The following DHX34 variants were observed in gnomAD, a reference collection of about 807,000 sequenced individuals.
The protein encoded by DHX34 is probable ATP-dependent RNA helicase DHX34.
Under a neutral mutation model 111.1 loss-of-function variants are expected in DHX34, and 96 were observed. The ratio of observed to expected loss-of-function variants is 0.86; its 90% CI spans 0.73 to 1.02. The LOEUF (loss-of-function observed/expected upper bound fraction) is 1.02, where lower values mean the gene tolerates loss of function less well. Among genes scored for constraint, DHX34 ranks in the 50% least tolerant of loss-of-function variants. The pLI is 0.00. For missense variants in DHX34, 1,560 were observed against 1,579.9 expected, an observed-to-expected ratio of 0.99 and a Z score of 0.21; for synonymous variants, 688 against 670.4, an observed-to-expected ratio of 1.03 and a Z score of -0.41.
At chr19:47,373,942 GCTCGCC>G (rs565798616) in intron 9 of DHX34, among the ~76,000 whole-genome samples, 2 of 152,154 alleles carry the variant, frequency 1.3e-5, no homozygotes, top group South Asian at 2.1e-4. Context: ...CTCGGGAAGA[GCTCGCC>G]CTCCGGACTG....
rs113841688 is a variant in DHX34, at chr19:47,350,420, A to ATT, written c.-278+1085_-278+1086dup. Among the ~76,000 whole-genome samples, 504 of 137,784 alleles carry ATT rather than the reference A, an allele frequency of 3.7e-3. 4 individuals carry two copies. The highest frequency in any genetic ancestry group is 0.013 in the African/African-American group (470 of 37,190). 90.4% of individuals were successfully genotyped at this position (137,784 alleles called of 152,430 possible). ...CCCTGTTTCAAAAAAACAAAAATGAATTTTTTTTTTTTTTTTTTGAGATGG... is the reference window on the plus strand; with the variant it reads ...CCCTGTTTCAAAAAAACAAAAATGAATTTTTTTTTTTTTTTTTTTTGAGATGG... On this transcript the variant is annotated intron_variant, in intron 1 of 16. Coordinates refer to ENST00000328771, the MANE Select transcript of DHX34 (RefSeq NM_014681.6).
chr19:47,380,063 C>T lies in DHX34; in HGVS notation c.2982+78C>T. 3 of 1,486,344 alleles carry T rather than the reference C, an allele frequency of 2.0e-6. No homozygotes were observed. The Admixed American group carries it at 7.2e-5, about 36-fold the overall frequency. The allele number at this position is 1,486,344 out of a possible 1,614,324, so 92.1% of individuals were successfully genotyped here. A position where few individuals can be genotyped will look rare whatever the true frequency, so the allele number is the denominator to read the frequency against. The stretch of plus-strand genomic sequence containing the variant: ...CACTGGGCTTGAGCCTCGGGAAGGC[C>T]TGGCTTCCCATTCACTCCACATGGG... On this transcript the variant is annotated intron_variant, in intron 14 of 16. Coordinates refer to ENST00000328771, the MANE Select transcript of DHX34 (RefSeq NM_014681.6).
chr19:47,360,039 C>T lies in DHX34; in HGVS notation c.1344C>T (p.Thr448=), dbSNP rs1300285871. The T allele has an allele frequency of 6.2e-7, 1 of 1,613,916 alleles. No individual in the cohort carries two copies. Among genetic ancestry groups the T allele is most frequent in the Non-Finnish European group, 8.5e-7 (1 of 1,179,996 alleles). ...CCAACATTGCTGAGACCTCAGTCACCATTGACGGGATCCGCTTCGTAGTAG... is the reference window on the plus strand; with the variant it reads ...CCAACATTGCTGAGACCTCAGTCACTATTGACGGGATCCGCTTCGTAGTAG... ...LSTNIAETSV[T]IDGIRFVVDS... The change falls in exon 5 of 17, where the codon ACC becomes ACT. Residue 448 remains threonine (T), a synonymous_variant. Coordinates refer to ENST00000328771, the MANE Select transcript of DHX34 (RefSeq NM_014681.6).
Position 47,357,964 on chromosome 19 carries a change from G to A in DHX34, c.1116G>A (p.Lys372=), listed in dbSNP as rs1348366700. Residue 372 remains lysine, a synonymous_variant, in exon 4 of 17, where the codon AAG becomes AAA. Transcript: ENST00000328771. ...GGGTGCTGGAGTCCATTGACCACAAGTACCCGCCTGAGGAGCGGGGTGACC... is the reference window on the plus strand; with the variant it reads ...GGGTGCTGGAGTCCATTGACCACAAATACCCGCCTGAGGAGCGGGGTGACC... ...FLRVLESIDH[K]YPPEERGDLL... 1 of 1,614,038 alleles carries A rather than the reference G, an allele frequency of 6.2e-7. No homozygotes were observed. The highest frequency in any genetic ancestry group is 1.1e-5 in the South Asian group (1 of 91,088).
intron 11 of DHX34, 148 bp from the exon 12 acceptor site, chr19:47,376,295 A>G: frequency 6.7e-7 from 1 of 1,495,360 alleles, no homozygotes; most frequent in Non-Finnish European, 8.9e-7. Flanking sequence ...GCACTATAGG[A>G]GCCCACAGGG....
rs763507949 is a variant in DHX34 at position 47,359,923 on chromosome 19, C to T, written c.1273-45C>T. On this transcript the variant is annotated intron_variant, in intron 4 of 16. Transcript: ENST00000328771. ...CAAGAAATTGGACACATAGGTTAGTCGGGGCTGAGTTAGTTCCTGACACCA... is the reference window on the plus strand; with the variant it reads ...CAAGAAATTGGACACATAGGTTAGTTGGGGCTGAGTTAGTTCCTGACACCA... 1.7e-5 allele frequency: 27 copies of T among 1,613,218 alleles called. No individual in the cohort carries two copies. In the Admixed American group the frequency reaches 3.0e-4, roughly 18 times the overall value.
chr19:47,379,945 C>G lies in DHX34; in HGVS notation c.2942C>G (p.Ala981Gly), dbSNP rs1446871403. ...EDTPVSPKEVATLSKELLQFT... is the reference protein window; with the variant it reads ...EDTPVSPKEVGTLSKELLQFT... ...ACGCCAGTCAGCCCCAAGGAGGTGG[C>G]CACCCTGAGCAAGGAACTCCTGCAA... Residue 981 changes from alanine (A) to glycine (G), a missense_variant, in exon 14 of 17, where the codon GCC (alanine) becomes GGC (glycine). Transcript: ENST00000328771. The G allele has an allele frequency of 6.2e-7, 1 of 1,601,154 alleles. No homozygotes were observed. Among genetic ancestry groups the G allele is most frequent in the Admixed American group, 1.7e-5 (1 of 59,704 alleles).
chr19:47,354,907 G>C (rs1969404243), intron 2 of DHX34, 132 bp from the exon 3 acceptor site: 4 of 1,475,774 alleles, frequency 2.7e-6, no homozygotes, highest in Non-Finnish European at 3.6e-6. Context: ...GCCCGCCTCT[G>C]CCTCCCAAAG....
chr19:47,353,187 G>A lies in DHX34; in HGVS notation c.157G>A (p.Gly53Ser), dbSNP rs954062121. Residue 53 changes from glycine to serine, a missense_variant, in exon 2 of 17, where the codon GGT (glycine) becomes AGT (serine). By Grantham distance (56) the Gly-to-Ser change is moderately conservative (BLOSUM62 0). Coordinates refer to ENST00000328771, the MANE Select transcript of DHX34 (RefSeq NM_014681.6). The surrounding 1 kb of genome is among the most constrained non-coding windows in gnomAD (Gnocchi z 4.6). The part of the protein sequence containing the change: ...FFREEDYIRQ[G>S]SEECQKFWTF... Reference sequence around the variant, plus strand: ...CCGTGAAGAGGATTACATCCGTCAGGGTTCTGAGGAATGTCAGAAGTTTTG... The same window carrying A: ...CCGTGAAGAGGATTACATCCGTCAGAGTTCTGAGGAATGTCAGAAGTTTTG... 11 of 1,614,076 alleles carry A rather than the reference G, an allele frequency of 6.8e-6. 1 individual carries two copies. In the Admixed American group the frequency reaches 1.0e-4, roughly 15 times the overall value.
At position 47,353,849 on chromosome 19, in the gene DHX34, T is replaced by C; in HGVS notation, c.705+114T>C. ...AAGCACTTACCCTTGGACCCAGCGA[T>C]GATTCTTCTAGAACTTTATCCACAG... On this transcript the variant is annotated intron_variant, in intron 2 of 16. Transcript: ENST00000328771. This position sits in a 1 kb window ranked among gnomAD's most constrained non-coding sequence, Gnocchi z 4.6. The C allele has an allele frequency of 9.6e-7, 1 of 1,044,694 alleles. No individual in the cohort carries two copies. The highest frequency in any genetic ancestry group is 1.6e-5 in the African/African-American group (1 of 62,148). 64.7% of individuals were successfully genotyped at this position (1,044,694 alleles called of 1,614,324 possible).
intron 12 of DHX34, chr19:47,376,818 A>AG: frequency 6.6e-7 from 1 of 1,524,158 alleles, no homozygotes; most frequent in East Asian, 2.5e-5. Flanking sequence ...AGCACCGGTC[A>AG]GGGGGCCTGT....
At chr19:47,381,350 G>A (rs1970352547) in intron 16 of DHX34, 26 bp downstream of exon 16, 3 of 1,600,600 alleles carry the variant, frequency 1.9e-6, no homozygotes, top group Non-Finnish European at 2.6e-6. Context: ...TGGGGACCCG[G>A]CCACCTCTGC....
At position 47,353,579 on chromosome 19, in the gene DHX34, G is replaced by A; in HGVS notation, c.549G>A (p.Val183=). The change falls in exon 2 of 17, where the codon GTG becomes GTA. Residue 183 remains valine, a synonymous_variant. Transcript: ENST00000328771. This position sits in a 1 kb window ranked among gnomAD's most constrained non-coding sequence, Gnocchi z 4.6. ...TGAAGGAGCACCAGGTGGTGGTAGT[G>A]GCCGGTGACACCGGCTGTGGCAAGT... ...QTLKEHQVVV[V]AGDTGCGKST... is the part of the protein sequence containing the mutation. 6.2e-7 allele frequency: 1 copy of A among 1,613,294 alleles called. No homozygotes were observed. Among genetic ancestry groups the A allele is most frequent in the Non-Finnish European group, 8.5e-7 (1 of 1,180,036 alleles).
chr19:47,372,761 C>A lies in DHX34; in HGVS notation c.1800C>A (p.Ser600Arg). ...GKMLILGSMF[S>R]LVEPVLTIAA... ...TGCTGATCCTGGGCTCCATGTTCAGCCTGGTGGAGCCTGTGCTCACCATCG... is the reference window on the plus strand; with the variant it reads ...TGCTGATCCTGGGCTCCATGTTCAGACTGGTGGAGCCTGTGCTCACCATCG... The change falls in exon 8 of 17, where the codon AGC becomes AGA. Residue 600 changes from serine to arginine, a missense_variant. Ser to Arg is a moderately radical substitution (Grantham distance 110, BLOSUM62 -1). Transcript: ENST00000328771. 1 of 1,611,918 alleles carries A rather than the reference C, an allele frequency of 6.2e-7. No homozygotes were observed. The highest frequency in any genetic ancestry group is 8.5e-7 in the Non-Finnish European group (1 of 1,179,292).
Position 47,381,998 on chromosome 19 carries a change from T to G in DHX34, c.3317T>G (p.Leu1106Arg), listed in dbSNP as rs139794576. 1.2e-6 allele frequency: 2 copies of G among 1,614,052 alleles called. No homozygotes were observed. The highest frequency in any genetic ancestry group is 1.7e-6 in the Non-Finnish European group (2 of 1,179,966). ...CCCTTAGGGGCTGAGGAAGCTGCCCTCGAAACCCTCCAGAAGACATCTGTC... is the reference window on the plus strand; with the variant it reads ...CCCTTAGGGGCTGAGGAAGCTGCCCGCGAAACCCTCCAGAAGACATCTGTC... ...DGPPGAEEAA[L>R]ETLQKTSVLQ... Residue 1106 changes from leucine to arginine, a missense_variant, in exon 17 of 17, where the codon CTC (leucine) becomes CGC (arginine). Physicochemically the swap from Leu to Arg is moderately radical, Grantham distance 102 (BLOSUM62 -2). Transcript: ENST00000328771.
In DHX34 at chr19:47,353,905, G is replaced by A. The variant is rs1969372125; in HGVS notation, c.705+170G>A. On this transcript the variant is annotated intron_variant, in intron 2 of 16. Transcript: ENST00000328771. This position sits in a 1 kb window ranked among gnomAD's most constrained non-coding sequence, Gnocchi z 4.6. ...CTTGTCTGTGGTCTACATGACAAAG[G>A]AGCTAGCATTAACCAGTGTAGCACT... Among the ~76,000 whole-genome samples the A allele has an allele frequency of 6.6e-6, 1 of 152,204 alleles. No homozygotes were observed. The highest frequency in any genetic ancestry group is 1.5e-5 in the Non-Finnish European group (1 of 68,036).
chr19:47,350,124 A>G (rs1969240018), intron 1 of DHX34, among the ~76,000 whole-genome samples: 1 of 152,180 alleles, frequency 6.6e-6, no homozygotes, highest in Admixed American at 6.6e-5. Flanking sequence ...GTGAGTAAGT[A>G]AGCATGAGCT....
At chr19:47,370,969 C>T (rs746088767) in intron 7 of DHX34, among the ~76,000 whole-genome samples, 21 of 152,310 alleles carry the variant, frequency 1.4e-4, no homozygotes, top group South Asian at 6.2e-4. Flanking sequence ...CCCCTGCGCC[C>T]GGCTTCATTT....
intron 6 of DHX34, among the ~76,000 whole-genome samples, chr19:47,364,756 TG>T (rs1258200986): frequency 5.9e-5 from 9 of 151,950 alleles, no homozygotes; most frequent in African/African-American, 2.2e-4. Flanking sequence ...ACAAAGTCCA[TG>T]GGGTAGGTAG....
Sources: allele counts gnomAD v4.1 joint callset (sites outside exome capture counted in the v4.1 genomes callset), GRCh38; gene constraint gnomAD v4.1.1; non-coding constraint Gnocchi (gnomAD v3.1); transcripts MANE v1.5; gene names NCBI Gene and HGNC (gene_info 2026-07-23, HGNC 2026-07-21).